Variants in MRPL34 observed in about 807,000 individuals in gnomAD.
The protein encoded by MRPL34 is mitochondrial ribosomal protein L34.
Under a neutral mutation model 6.7 loss-of-function variants are expected in MRPL34, and 8 were observed. That is an observed-to-expected ratio of 1.20 (90% CI 0.70 to 2.16). The LOEUF (loss-of-function observed/expected upper bound fraction) is 2.16. Among genes scored for constraint, MRPL34 ranks in the 30% most tolerant of loss-of-function variants. The probability of loss-of-function intolerance (pLI) is 0.00; values close to 1 mark genes in which losing one functional copy is unlikely to be tolerated. For synonymous variants in MRPL34, 59 were observed against 55.1 expected (o/e 1.07, Z -0.31); for missense variants, 146 against 125.5 (o/e 1.16, Z -0.78).
chr19:17,306,016 G>A, intron 1 of MRPL34, 59 bp downstream of exon 1: 1 of 1,597,900 alleles, frequency 6.3e-7, no homozygotes, highest in Non-Finnish European at 8.6e-7. Context: ...TCGGAGGCTG[G>A]CGCCACTCTT....
chr19:17,296,570 A>C (rs2074094527), intron 1 of MRPL34: 1 of 152,208 alleles, frequency 6.6e-6, no homozygotes, highest in South Asian at 2.1e-4. Context: ...GAAGCCCCCA[A>C]AGCTGAGCTC....
At chr19:17,301,714 G>C, upstream of MRPL34, 2 of 1,390,128 alleles carry the variant, frequency 1.4e-6, no homozygotes, top group Non-Finnish European at 1.9e-6. Flanking sequence ...TGGGAGAACT[G>C]TTTTAGACTC....
chr19:17,293,000 T>C (rs2074077739), intron 1 of MRPL34: 3 of 717,578 alleles, frequency 4.2e-6, no homozygotes, highest in African/African-American at 3.7e-5. Context: ...GGATGGCCTG[T>C]AGCCCTGCTG....
chr19:17,299,120 G>A (rs372000579), upstream of MRPL34, among the ~76,000 whole-genome samples: 20 of 152,184 alleles, frequency 1.3e-4, 1 homozygote, highest in South Asian at 1.2e-3. Flanking sequence ...ATGCTAATGG[G>A]AGTTTTCAGC....
chr19:17,293,052 C>T (rs1282837329), intron 1 of MRPL34, among the ~76,000 whole-genome samples: 1 of 151,808 alleles, frequency 6.6e-6, no homozygotes, highest in African/African-American at 2.4e-5. Context: ...TATTAAGTGT[C>T]TACAGTATGC....
chr19:17,292,865 G>A (rs748673611), intron 1 of MRPL34: 6 of 1,596,260 alleles, frequency 3.8e-6, no homozygotes, highest in Non-Finnish European at 5.1e-6. Context: ...GTAGGCGGGG[G>A]CAAGAGGGTG....
upstream of MRPL34, among the ~76,000 whole-genome samples, chr19:17,302,476 G>A (rs2074125126): frequency 1.3e-5 from 2 of 152,158 alleles, no homozygotes; most frequent in Admixed American, 1.3e-4. Context: ...CAAATCTTTG[G>A]TGAGCCCCCA....
chr19:17,301,497 G>C (rs1227851623), upstream of MRPL34: 1 of 1,611,706 alleles, frequency 6.2e-7, no homozygotes, highest in South Asian at 1.1e-5. Flanking sequence ...GCACGCGGCC[G>C]GGCTTGACCT....
At chr19:17,293,130 C>T (rs1406432788) in intron 1 of MRPL34, among the ~76,000 whole-genome samples, 5 of 140,518 alleles carry the variant, frequency 3.6e-5, no homozygotes, top group Admixed American at 1.5e-4. Flanking sequence ...GAGTCTTGCT[C>T]TGTCACCCAG....
intron 1 of MRPL34, chr19:17,294,698 G>A (rs564498276): frequency 6.2e-7 from 1 of 1,614,064 alleles, no homozygotes; most frequent in East Asian, 2.2e-5. Flanking sequence ...AGGCCAGGCA[G>A]GGCGACAAGC....
chr19:17,292,860 C>A (rs780356504), intron 1 of MRPL34: 3 of 1,599,704 alleles, frequency 1.9e-6, no homozygotes, highest in Admixed American at 1.7e-5. Context: ...TCAAGGTAGG[C>A]GGGGGCAAGA....
At chr19:17,294,532 C>T (rs1447342872) in intron 1 of MRPL34, 1 of 1,612,926 alleles carries the variant, frequency 6.2e-7, no homozygotes, top group Non-Finnish European at 8.5e-7. Flanking sequence ...ACCGCTAGAG[C>T]CCCTTATGCC....
upstream of MRPL34, among the ~76,000 whole-genome samples, chr19:17,299,485 T>C (rs935382261): frequency 8.1e-5 from 11 of 136,616 alleles, no homozygotes; most frequent in African/African-American, 3.1e-4. Context: ...GGCATGAACC[T>C]GGGAGGTGGA....
At chr19:17,303,264 G>A (rs1428820492), upstream of MRPL34, 1 of 152,268 alleles carries the variant, frequency 6.6e-6, no homozygotes, top group East Asian at 1.9e-4. Context: ...CGCGGGGCCC[G>A]GGTCGGGGCG....
At chr19:17,298,684 GA>G (rs941159954), upstream of MRPL34, among the ~76,000 whole-genome samples, 2 of 132,898 alleles carry the variant, frequency 1.5e-5, no homozygotes, top group South Asian at 2.5e-4. Flanking sequence ...GCCCCTCACA[GA>G]AAAAAAATAA....
upstream of MRPL34, among the ~76,000 whole-genome samples, chr19:17,304,105 T>C (rs2074135095): frequency 6.6e-6 from 1 of 152,226 alleles, no homozygotes; most frequent in South Asian, 2.1e-4. Flanking sequence ...CGGGCTTCTC[T>C]AAAGCTTTCA....
upstream of MRPL34, among the ~76,000 whole-genome samples, chr19:17,305,443 T>G (rs922892882): frequency 1.6e-4 from 24 of 152,246 alleles, 1 homozygote; most frequent in African/African-American, 5.8e-4. Context: ...GGCGGAGACT[T>G]GGCTGCAGCC....
chr19:17,295,769 G>C (rs550463390), intron 1 of MRPL34, among the ~76,000 whole-genome samples: 1 of 152,124 alleles, frequency 6.6e-6, no homozygotes, highest in Non-Finnish European at 1.5e-5. Context: ...GTGCGGTGGC[G>C]TAATCATAGC....
chr19:17,301,267 A>G (rs1230328810), upstream of MRPL34: 1 of 1,602,866 alleles, frequency 6.2e-7, no homozygotes, highest in Non-Finnish European at 8.5e-7. Flanking sequence ...CTCCACCTCC[A>G]GGGCGGCCGG....
Sources: gnomAD v4.1 joint callset for allele counts (sites outside exome capture counted in the v4.1 genomes callset) on GRCh38, gnomAD v4.1.1 for gene constraint, MANE v1.5 for transcripts, NCBI Gene and HGNC (gene_info 2026-07-23, HGNC 2026-07-21) for gene names.